Variants in RALY observed in about 807,000 individuals in gnomAD.
The protein encoded by RALY is RALY heterogeneous nuclear ribonucleoprotein.
RALY carries 15 observed loss-of-function variants against 30.7 expected under a neutral mutation model. The ratio of observed to expected loss-of-function variants is 0.49; its 90% CI spans 0.33 to 0.75. The LOEUF is 0.75. Among genes scored for constraint, RALY ranks in the 30% least tolerant of loss-of-function variants. RALY has a pLI of 0.02. For missense variants in RALY, 339 were observed against 414.3 expected (o/e 0.82, Z 1.58); for synonymous variants, 177 against 170.8 (o/e 1.04, Z -0.28).
At chr20:34,077,336 C>T (rs1408677521) in intron 8 of RALY, 91 bp downstream of exon 8, 2 of 1,569,098 alleles carry the variant, frequency 1.3e-6, no homozygotes, top group African/African-American at 2.7e-5. Flanking sequence ...AGCTGGTTGC[C>T]CCCACTGTGA....
At chr20:34,059,297 T>C (rs377207656) in intron 2 of RALY, among the ~76,000 whole-genome samples, 2 of 152,254 alleles carry the variant, frequency 1.3e-5, no homozygotes, top group African/African-American at 4.8e-5. Context: ...TTTAATCAAC[T>C]GCCCTGATAC....
chr20:33,995,063 G>A (rs185146564), intron 1 of RALY, among the ~76,000 whole-genome samples: 2 of 152,144 alleles, frequency 1.3e-5, no homozygotes, highest in African/African-American at 2.4e-5. Context: ...TAGTGCAGAG[G>A]GTATTTTTAC....
At chr20:33,997,155 G>T (rs1478796902) in intron 1 of RALY, among the ~76,000 whole-genome samples, 3 of 151,998 alleles carry the variant, frequency 2.0e-5, no homozygotes, top group Non-Finnish European at 2.9e-5. Context: ...TCACTCCGTC[G>T]CCCAGGCTGG....
intron 8 of RALY, 103 bp from the exon 9 acceptor site, chr20:34,078,402 A>G: frequency 9.9e-7 from 1 of 1,011,888 alleles, no homozygotes; most frequent in Non-Finnish European, 1.4e-6. Flanking sequence ...TGTGTCCTCT[A>G]GATGCCCTCT....
intron 1 of RALY, among the ~76,000 whole-genome samples, chr20:34,023,350 G>A (rs1461568748): frequency 2.0e-5 from 3 of 152,200 alleles, no homozygotes; most frequent in Non-Finnish European, 2.9e-5. Context: ...AGAAGAGACA[G>A]GCAAGTGAAC....
At chr20:34,073,910 G>A in intron 5 of RALY, 44 bp downstream of exon 5, 1 of 1,593,016 alleles carries the variant, frequency 6.3e-7, no homozygotes, top group South Asian at 1.1e-5. Flanking sequence ...CAGCCAAGCT[G>A]GAAGGGTCTT....
chr20:34,066,114 C>T (rs2033561975), intron 2 of RALY, among the ~76,000 whole-genome samples: 1 of 151,488 alleles, frequency 6.6e-6, no homozygotes, highest in Non-Finnish European at 1.5e-5. Context: ...CCCCTAGCTA[C>T]ACTCCCCTCA....
chr20:34,040,249 C>G (rs1291528044), intron 2 of RALY, among the ~76,000 whole-genome samples: 1 of 152,176 alleles, frequency 6.6e-6, no homozygotes, highest in East Asian at 1.9e-4. Context: ...TCTCTTGTGT[C>G]TCATTCCAGA....
At chr20:34,076,360 T>C in intron 6 of RALY, 1 of 498,342 alleles carries the variant, frequency 2.0e-6, no homozygotes, top group Admixed American at 3.4e-5. Context: ...ACATGCTGCT[T>C]AACTAATCAC....
intron 1 of RALY, among the ~76,000 whole-genome samples, chr20:34,005,186 C>T (rs1191914375): frequency 6.6e-6 from 1 of 152,110 alleles, no homozygotes; most frequent in African/African-American, 2.4e-5. Context: ...TCTAGGCCCC[C>T]TCTCGAGGAG....
intron 2 of RALY, among the ~76,000 whole-genome samples, chr20:34,049,798 A>C (rs893078838): frequency 2.6e-5 from 4 of 152,350 alleles, no homozygotes; most frequent in Admixed American, 2.0e-4. Flanking sequence ...GCTTTTGATT[A>C]ACAAAAGTTA....
intron 2 of RALY, among the ~76,000 whole-genome samples, chr20:34,066,647 TC>T (rs2033581164): frequency 1.3e-5 from 2 of 151,930 alleles, no homozygotes; most frequent in Non-Finnish European, 2.9e-5. Context: ...CATCTTGGCT[TC>T]CCAAAGTGCT....
In RALY at chr20:34,037,531, A is replaced by G. The variant is rs560870177; in HGVS notation, c.-10+5927A>G. Among the ~76,000 whole-genome samples, 323 of 152,334 alleles carry G rather than the reference A, an allele frequency of 2.1e-3. 3 individuals carry two copies. Among genetic ancestry groups the G allele is most frequent in the Non-Finnish European group, 3.6e-3 (244 of 68,034 alleles). ...TTCCATTAAATAAGGCTTACAGTGCAGATGCCATAGGTAACATTGAGATAG... is the reference window on the plus strand; with the variant it reads ...TTCCATTAAATAAGGCTTACAGTGCGGATGCCATAGGTAACATTGAGATAG... On this transcript the variant is annotated intron_variant, in intron 2 of 9. Transcript: ENST00000246194.
Position 34,083,404 on chromosome 20 carries a change from C to A in RALY, c.*3499C>A. ...GACATCATGGCTGAGTTCCAAAAAC[C>A]GCAAGAGAAGACAAGCCCAGTATGC... is the stretch of plus-strand genomic sequence containing the variant. On this transcript the variant is annotated 3_prime_UTR_variant, in exon 10 of 10. Transcript: ENST00000246194. 1 of 152,288 alleles carries A rather than the reference C, an allele frequency of 6.6e-6. No individual in the cohort carries two copies. The allele number at this position is 152,288 out of a possible 1,614,324, so 9.4% of individuals were successfully genotyped here.
intron 2 of RALY, among the ~76,000 whole-genome samples, chr20:34,069,043 A>T (rs2033655163): frequency 6.6e-6 from 1 of 152,200 alleles, no homozygotes; most frequent in African/African-American, 2.4e-5. Flanking sequence ...CACCCAGAGC[A>T]GCATTTGCAA....
intron 2 of RALY, among the ~76,000 whole-genome samples, chr20:34,051,017 G>A (rs908519176): frequency 3.3e-5 from 5 of 152,182 alleles, no homozygotes. Flanking sequence ...ATTTTAAGGA[G>A]CACTATTTGG....
chr20:34,077,809 C>G (rs2033936972), intron 8 of RALY: 2 of 180,316 alleles, frequency 1.1e-5, no homozygotes, highest in African/African-American at 4.8e-5. Flanking sequence ...TTAATGAGCG[C>G]TCATTGAGCA....
chr20:34,030,207 A>T (rs977239983), intron 1 of RALY, among the ~76,000 whole-genome samples: 1 of 152,224 alleles, frequency 6.6e-6, no homozygotes, highest in African/African-American at 2.4e-5. Flanking sequence ...CAAGCCCTGG[A>T]GTTGGACTTC....
intron 5 of RALY, among the ~76,000 whole-genome samples, chr20:34,075,591 TCTC>T (rs1338262300): frequency 6.6e-6 from 1 of 151,946 alleles, no homozygotes; most frequent in African/African-American, 2.4e-5. Flanking sequence ...CCTAGGGATG[TCTC>T]CTCTTTTGAA....
Sources: allele counts gnomAD v4.1 joint callset (sites outside exome capture counted in the v4.1 genomes callset), GRCh38; gene constraint gnomAD v4.1.1; transcripts MANE v1.5; gene names NCBI Gene and HGNC (gene_info 2026-07-23, HGNC 2026-07-21).